Variants in CSMD1 observed in about 807,000 individuals in gnomAD.
CSMD1 encodes the protein CUB and Sushi multiple domains 1.
CSMD1 carries 213 observed loss-of-function variants against 417.5 expected under a neutral mutation model. The ratio of observed to expected loss-of-function variants is 0.51; its 90% CI spans 0.46 to 0.57. The LOEUF is 0.57. CSMD1 is among the 20% of genes least tolerant of loss of function. The probability of loss-of-function intolerance (pLI) is 0.00; values close to 1 mark genes in which losing one functional copy is unlikely to be tolerated. For missense variants in CSMD1, 6,923 were observed against 4,529.7 expected (o/e 1.53, Z -15.17); for synonymous variants, 2,862 against 1,736.8 (o/e 1.65, Z -16.11).
intron 2 of CSMD1, among the ~76,000 whole-genome samples, chr8:4,574,644 A>G (rs1799050886): frequency 6.6e-6 from 1 of 152,208 alleles, no homozygotes; most frequent in Non-Finnish European, 1.5e-5. Flanking sequence ...GGAGACACTT[A>G]AAGAATTCTG....
intron 1 of CSMD1, among the ~76,000 whole-genome samples, chr8:4,800,652 T>C (rs9644283): frequency 0.064 from 9,814 of 152,222 alleles, 523 homozygotes; most frequent in East Asian, 0.23. Flanking sequence ...CCCAGGGGGC[T>C]GTGGAGCCTC....
intron 26 of CSMD1, among the ~76,000 whole-genome samples, chr8:3,242,376 T>C (rs549332155): frequency 2.8e-4 from 42 of 151,218 alleles, no homozygotes; most frequent in African/African-American, 9.5e-4. Context: ...AGGGGACAGG[T>C]AGGAGGGAAA....
At chr8:3,079,580 ATATC>A (rs1269296265) in intron 49 of CSMD1, among the ~76,000 whole-genome samples, 2 of 152,204 alleles carry the variant, frequency 1.3e-5, no homozygotes, top group Non-Finnish European at 2.9e-5. Flanking sequence ...GATTTACAAA[ATATC>A]TCAGTTAATT....
intron 23 of CSMD1, among the ~76,000 whole-genome samples, chr8:3,339,719 T>C (rs529905126): frequency 4.3e-4 from 65 of 152,150 alleles, no homozygotes; most frequent in Non-Finnish European, 8.2e-4. Context: ...GGAATACAAT[T>C]TGAATGACAA....
At chr8:3,355,780 T>C (rs1414639904) in intron 21 of CSMD1, among the ~76,000 whole-genome samples, 3 of 152,150 alleles carry the variant, frequency 2.0e-5, no homozygotes, top group African/African-American at 4.8e-5. Context: ...ACCTTACCAA[T>C]AAACTTTCAT....
rs535036503 is a variant in CSMD1 at position 3,177,223 on chromosome 8, G to A, written c.5725+3887C>T. Among the ~76,000 whole-genome samples, 14 of 152,160 alleles carry A rather than the reference G, an allele frequency of 9.2e-5. 1 individual carries two copies. Among genetic ancestry groups the A allele is most frequent in the African/African-American group, 3.4e-4 (14 of 41,434 alleles). ...CTGTCGCAAGTGGAGCCTGGGCCTC[G>A]TGTGACTCTGGATGCAGACGCATGG... On this transcript the variant is annotated intron_variant, in intron 37 of 69. Coordinates refer to ENST00000635120, the MANE Select transcript of CSMD1 (RefSeq NM_033225.6).
At chr8:3,404,488 C>G (rs77791820) in intron 15 of CSMD1, among the ~76,000 whole-genome samples, 2,661 of 152,130 alleles carry the variant, frequency 0.017, 82 homozygotes, top group African/African-American at 0.061. Context: ...ACACCTAGAC[C>G]CCAGCTCTGC....
At chr8:3,183,224 G>A (rs113917751) in intron 36 of CSMD1, 1 of 129,416 alleles carries the variant, frequency 7.7e-6, no homozygotes, top group East Asian at 2.1e-4. Context: ...GGTCTCTAAC[G>A]TTTCTTAACG....
At chr8:4,331,654 T>C (rs1467133113) in intron 3 of CSMD1, among the ~76,000 whole-genome samples, 1 of 152,152 alleles carries the variant, frequency 6.6e-6, no homozygotes. Flanking sequence ...TCAATAAAGC[T>C]AAAAGGTAGC....
At chr8:4,415,683 G>A (rs1796895147) in intron 3 of CSMD1, among the ~76,000 whole-genome samples, 2 of 152,134 alleles carry the variant, frequency 1.3e-5, no homozygotes, top group Non-Finnish European at 2.9e-5. Context: ...TCTGGTAGAG[G>A]CCCCGTGAAT....
chr8:3,045,932 T>C (rs147921492), intron 50 of CSMD1, among the ~76,000 whole-genome samples: 11 of 152,132 alleles, frequency 7.2e-5, no homozygotes, highest in Non-Finnish European at 1.0e-4. Context: ...GTAGGGGGTA[T>C]AGGGTTAGTT....
At chr8:4,125,861 A>C (rs1802734180) in intron 3 of CSMD1, among the ~76,000 whole-genome samples, 1 of 152,132 alleles carries the variant, frequency 6.6e-6, no homozygotes, top group African/African-American at 2.4e-5. Flanking sequence ...AGGACTAACA[A>C]ATTAGCTACA....
At chr8:4,771,595 G>A (rs62484606) in intron 1 of CSMD1, among the ~76,000 whole-genome samples, 1 of 152,112 alleles carries the variant, frequency 6.6e-6, no homozygotes, top group Non-Finnish European at 1.5e-5. Context: ...TTGAAATATT[G>A]AGTAATTAAA....
At chr8:4,366,706 T>C (rs1802094180) in intron 3 of CSMD1, among the ~76,000 whole-genome samples, 1 of 149,978 alleles carries the variant, frequency 6.7e-6, no homozygotes, top group Non-Finnish European at 1.5e-5. Flanking sequence ...CTTTTTCTTT[T>C]ATTTTATTAT....
At chr8:3,185,940 T>C (rs942148956) in intron 36 of CSMD1, among the ~76,000 whole-genome samples, 3 of 152,170 alleles carry the variant, frequency 2.0e-5, no homozygotes, top group Non-Finnish European at 4.4e-5. Context: ...ACTTGAAGGA[T>C]TTCCTGTCTC....
chr8:3,472,459 T>TAA (rs1328977334), intron 11 of CSMD1, among the ~76,000 whole-genome samples: 1 of 152,108 alleles, frequency 6.6e-6, no homozygotes, highest in Non-Finnish European at 1.5e-5. Context: ...TTAACTGTGT[T>TAA]AAAGTCTACT....
At chr8:4,236,642 C>T (rs990971723) in intron 3 of CSMD1, among the ~76,000 whole-genome samples, 6 of 152,146 alleles carry the variant, frequency 3.9e-5, no homozygotes, top group African/African-American at 1.4e-4. Flanking sequence ...CAGCCAAAAT[C>T]AATGTTAAAA....
chr8:4,484,475 A>C (rs1801263125), intron 2 of CSMD1, among the ~76,000 whole-genome samples: 1 of 152,084 alleles, frequency 6.6e-6, no homozygotes, highest in East Asian at 1.9e-4. Flanking sequence ...GGCAATTTGA[A>C]GGAGGCACAA....
chr8:4,206,638 T>A (rs892693425), intron 3 of CSMD1, among the ~76,000 whole-genome samples: 2 of 152,202 alleles, frequency 1.3e-5, no homozygotes, highest in African/African-American at 2.4e-5. Flanking sequence ...AGTGATGCAA[T>A]AAACGTATGT....
Sources: allele counts gnomAD v4.1 joint callset (sites outside exome capture counted in the v4.1 genomes callset), GRCh38; gene constraint gnomAD v4.1.1; transcripts MANE v1.5; gene names NCBI Gene and HGNC (gene_info 2026-07-23, HGNC 2026-07-21).